CNNM2: variants seen among roughly 807,000 people sequenced by gnomAD.
CNNM2 encodes metal transporter CNNM2.
In CNNM2, 12 loss-of-function variants were observed where a neutral mutation model predicts 66.9. That is an observed-to-expected ratio of 0.18 (90% CI 0.11 to 0.29). The LOEUF (loss-of-function observed/expected upper bound fraction) is 0.29, where lower values mean the gene tolerates loss of function less well. Ranked by LOEUF, CNNM2 falls within the 10% of genes least tolerant of loss-of-function variation. CNNM2 has a pLI of 1.00. For missense variants in CNNM2, 705 were observed against 1,167.7 expected (o/e 0.60, Z 5.77); for synonymous variants, 557 against 501.8 (o/e 1.11, Z -1.47).
At chr10:103,001,207 AT>A (rs1311628426) in intron 1 of CNNM2, among the ~76,000 whole-genome samples, 5 of 152,174 alleles carry the variant, frequency 3.3e-5, no homozygotes, top group African/African-American at 1.2e-4. Flanking sequence ...AAATTGTTGA[AT>A]GCATTTTAGT....
intron 1 of CNNM2, among the ~76,000 whole-genome samples, chr10:103,003,739 CT>C (rs1397057991): frequency 6.6e-6 from 1 of 151,772 alleles, no homozygotes; most frequent in Non-Finnish European, 1.5e-5. Flanking sequence ...CGCCACTGCA[CT>C]CCAGCCTGGG....
At position 102,918,963 on chromosome 10, in the gene CNNM2, C is replaced by G; in HGVS notation, c.483C>G (p.Pro161=). The change falls in exon 1 of 8, where the codon CCC becomes CCG. Residue 161 remains proline (P), a synonymous_variant. Coordinates refer to ENST00000369878, the MANE Select transcript of CNNM2 (RefSeq NM_017649.5). This position sits in a 1 kb window ranked among gnomAD's most constrained non-coding sequence, Gnocchi z 4.1. ...GIRTSDIIIL[P]HIILNRRTSG... ...GCACCTCAGACATCATCATCTTGCC[C>G]CACATCATTCTCAACCGCCGCACCT... The G allele has an allele frequency of 6.2e-7, 1 of 1,612,560 alleles. No homozygotes were observed.
At chr10:103,028,814 CTTTTTTTTTTTTTCTTTTTTT>C (rs1227799282) in intron 1 of CNNM2, among the ~76,000 whole-genome samples, 4 of 126,182 alleles carry the variant, frequency 3.2e-5, no homozygotes, top group Non-Finnish European at 6.4e-5. Flanking sequence ...TTTTCTTTTT[CTTTTTTTTTTTTTCTTTTTTT>C]TTTTTTTGAG....
chr10:102,938,009 T>A (rs1846301493), intron 1 of CNNM2, among the ~76,000 whole-genome samples: 1 of 151,844 alleles, frequency 6.6e-6, no homozygotes, highest in African/African-American at 2.4e-5. Flanking sequence ...CATAAAATAA[T>A]GACAATGTGT....
In CNNM2 at chr10:103,027,837, G is replaced by A. The variant is rs145000907; in HGVS notation, c.1622-21870G>A. 2.6e-4 allele frequency among the ~76,000 whole-genome samples: 39 copies of A among 152,154 alleles called. No individual in the cohort carries two copies. In the East Asian group the frequency reaches 7.3e-3, roughly 29 times the overall value. On this transcript the variant is annotated intron_variant, in intron 1 of 7. Coordinates refer to ENST00000369878, the MANE Select transcript of CNNM2 (RefSeq NM_017649.5). ...CTATGTGCCAGGCACTATTTAAATT[G>A]TTTTTTCATTTGATTTTTCAATTTT...
intron 1 of CNNM2, among the ~76,000 whole-genome samples, chr10:103,032,710 A>G (rs543201304): frequency 4.1e-4 from 57 of 137,560 alleles, no homozygotes; most frequent in African/African-American, 1.5e-3. Flanking sequence ...TCTATTGCTG[A>G]TAGAATCCTA....
chr10:103,004,740 T>C (rs575776244), intron 1 of CNNM2, among the ~76,000 whole-genome samples: 4 of 152,386 alleles, frequency 2.6e-5, no homozygotes, highest in African/African-American at 9.6e-5. Flanking sequence ...TTCCTTTGTT[T>C]AGGTGTGTGT....
intron 1 of CNNM2, among the ~76,000 whole-genome samples, chr10:103,032,084 T>C (rs756866155): frequency 6.6e-6 from 1 of 152,014 alleles, no homozygotes; most frequent in African/African-American, 2.4e-5. Flanking sequence ...TTTTTAGAGG[T>C]GTCCAACACT....
At chr10:103,040,318 T>C (rs1166654427) in intron 1 of CNNM2, among the ~76,000 whole-genome samples, 1 of 151,434 alleles carries the variant, frequency 6.6e-6, no homozygotes, top group Non-Finnish European at 1.5e-5. Context: ...TAAAAAAGGA[T>C]TAAAAGGGCT....
At chr10:102,929,290 G>A (rs1487069494) in intron 1 of CNNM2, among the ~76,000 whole-genome samples, 1 of 152,100 alleles carries the variant, frequency 6.6e-6, no homozygotes, top group Non-Finnish European at 1.5e-5. Flanking sequence ...GCTAGGCTGG[G>A]TGCAGTGGCT....
intron 1 of CNNM2, among the ~76,000 whole-genome samples, chr10:102,962,416 A>T (rs2063396524): frequency 6.6e-6 from 1 of 152,172 alleles, no homozygotes; most frequent in South Asian, 2.1e-4. Flanking sequence ...GTGGGAATTG[A>T]CACACCCTTT....
chr10:102,960,146 TG>T (rs2063357456), intron 1 of CNNM2, among the ~76,000 whole-genome samples: 17 of 152,282 alleles, frequency 1.1e-4, no homozygotes, highest in Admixed American at 1.0e-3. Context: ...AAATAATCCA[TG>T]TGAAGAGCTC....
At chr10:102,990,092 G>T (rs1368142684) in intron 1 of CNNM2, among the ~76,000 whole-genome samples, 1 of 151,760 alleles carries the variant, frequency 6.6e-6, no homozygotes, top group Non-Finnish European at 1.5e-5. Flanking sequence ...TTATAGGCAT[G>T]TGCCACCACA....
At chr10:103,013,433 T>C (rs895259416) in intron 1 of CNNM2, among the ~76,000 whole-genome samples, 1 of 152,190 alleles carries the variant, frequency 6.6e-6, no homozygotes, top group Non-Finnish European at 1.5e-5. Flanking sequence ...ATAGCCTGCA[T>C]GGACTTACTG....
At chr10:103,020,706 ATGAGG>A (rs2064557070) in intron 1 of CNNM2, among the ~76,000 whole-genome samples, 1 of 152,144 alleles carries the variant, frequency 6.6e-6, no homozygotes, top group Non-Finnish European at 1.5e-5. Flanking sequence ...GGCAAATAAG[ATGAGG>A]TGAGAGGGGA....
chr10:102,933,508 A>G (rs1354124403), intron 1 of CNNM2, among the ~76,000 whole-genome samples: 1 of 152,142 alleles, frequency 6.6e-6, no homozygotes, highest in Non-Finnish European at 1.5e-5. Flanking sequence ...TAGGTGACAA[A>G]TGGTTCTTAA....
chr10:102,995,266 G>A (rs927787536), intron 1 of CNNM2, among the ~76,000 whole-genome samples: 2 of 109,820 alleles, frequency 1.8e-5, no homozygotes, highest in Non-Finnish European at 3.8e-5. Context: ...GGGCTGGAGT[G>A]CAGTGGCATG....
At chr10:102,924,058 T>G (rs1033815700) in intron 1 of CNNM2, among the ~76,000 whole-genome samples, 1 of 152,258 alleles carries the variant, frequency 6.6e-6, no homozygotes, top group Non-Finnish European at 1.5e-5. Context: ...TTCTCTTTTT[T>G]TGTGTGTGTT....
rs1202935761 is a variant in CNNM2 at position 103,068,259 on chromosome 10, GAGC to G, written c.2074-368_2074-366del. On this transcript the variant is annotated intron_variant, in intron 4 of 7. Coordinates refer to ENST00000369878, the MANE Select transcript of CNNM2 (RefSeq NM_017649.5). ...TGATTCACGCCTGTAATCCCTTTGG[GAGC>G]ACTTTGGGAGGCCAAGACAGTGAGA... is the stretch of plus-strand genomic sequence containing the variant. 2.0e-5 allele frequency among the ~76,000 whole-genome samples: 3 copies of G among 151,990 alleles called. No homozygotes were observed. In the East Asian group the frequency reaches 5.8e-4, roughly 29 times the overall value.
Sources: allele counts gnomAD v4.1 joint callset (sites outside exome capture counted in the v4.1 genomes callset), GRCh38; gene constraint gnomAD v4.1.1; non-coding constraint Gnocchi (gnomAD v3.1); transcripts MANE v1.5; gene names NCBI Gene and HGNC (gene_info 2026-07-23, HGNC 2026-07-21).